Variants in SGSM1 observed in about 807,000 individuals in gnomAD.
SGSM1 encodes the protein small G protein signaling modulator 1.
SGSM1 carries 73 observed loss-of-function variants against 133.8 expected under a neutral mutation model. That is an observed-to-expected ratio of 0.55 (90% confidence interval 0.45 to 0.66). The LOEUF (loss-of-function observed/expected upper bound fraction) is 0.66. Ranked by LOEUF, SGSM1 falls within the 30% of genes least tolerant of loss-of-function variation. SGSM1 has a pLI of 0.00. For missense variants in SGSM1, 1,213 were observed against 1,448.1 expected (o/e 0.84, Z 2.64); for synonymous variants, 563 against 573.0 (o/e 0.98, Z 0.25).
chr22:24,869,799 C>G (rs549450294), intron 12 of SGSM1, among the ~76,000 whole-genome samples: 1 of 152,148 alleles, frequency 6.6e-6, no homozygotes, highest in Non-Finnish European at 1.5e-5. Context: ...CGGTGCCTGC[C>G]GTGACACAGA....
At chr22:24,861,994 G>A (rs1464131783) in intron 9 of SGSM1, among the ~76,000 whole-genome samples, 1 of 129,770 alleles carries the variant, frequency 7.7e-6, no homozygotes, top group African/African-American at 3.0e-5. Context: ...TGCTCTTGTT[G>A]CCCAGGCTGG....
intron 2 of SGSM1, among the ~76,000 whole-genome samples, chr22:24,821,570 CCTT>C (rs1376501401): frequency 6.6e-6 from 1 of 152,190 alleles, no homozygotes; most frequent in Non-Finnish European, 1.5e-5. Context: ...CCACCAGACA[CCTT>C]CTCTACAAAA....
intron 4 of SGSM1, among the ~76,000 whole-genome samples, chr22:24,849,592 C>T (rs1385081893): frequency 6.6e-6 from 1 of 152,184 alleles, no homozygotes; most frequent in African/African-American, 2.4e-5. Flanking sequence ...ATTTCATATC[C>T]TCAAGATCAA....
intron 21 of SGSM1, among the ~76,000 whole-genome samples, chr22:24,908,157 A>G (rs1366837849): frequency 6.6e-6 from 1 of 152,120 alleles, no homozygotes; most frequent in Admixed American, 6.6e-5. Flanking sequence ...GAACTACTGG[A>G]CAGACATATG....
chr22:24,843,728 C>T (rs1451212257), intron 2 of SGSM1: 1 of 152,282 alleles, frequency 6.6e-6, no homozygotes, highest in East Asian at 1.9e-4. Context: ...AGAGGATCAA[C>T]ACCAAGAGCA....
chr22:24,918,730 T>A (rs1321333559), intron 23 of SGSM1, among the ~76,000 whole-genome samples: 6 of 146,300 alleles, frequency 4.1e-5, no homozygotes, highest in Non-Finnish European at 6.0e-5. Flanking sequence ...CTTGCTTTTC[T>A]TTTTTTTTTT....
chr22:24,856,660 G>A (rs1930809444), intron 8 of SGSM1, among the ~76,000 whole-genome samples: 1 of 152,150 alleles, frequency 6.6e-6, no homozygotes, highest in South Asian at 2.1e-4. Flanking sequence ...GACTGACTTT[G>A]AGCCAGTCAC....
intron 16 of SGSM1, among the ~76,000 whole-genome samples, chr22:24,889,263 A>G (rs967244392): frequency 6.6e-6 from 1 of 151,874 alleles, no homozygotes; most frequent in Admixed American, 6.6e-5. Context: ...CCCGGCCCTC[A>G]TAGTCACATT....
chr22:24,841,338 T>A (rs901760054), intron 2 of SGSM1, among the ~76,000 whole-genome samples: 7 of 152,098 alleles, frequency 4.6e-5, no homozygotes, highest in Admixed American at 2.0e-4. Context: ...ATCTCATTTT[T>A]AAAAAAAATG....
At chr22:24,921,337 C>T (rs778168543) in intron 24 of SGSM1, among the ~76,000 whole-genome samples, 3 of 152,078 alleles carry the variant, frequency 2.0e-5, no homozygotes, top group East Asian at 1.9e-4. Flanking sequence ...TGACCTCAGG[C>T]GATCCGTCTG....
In SGSM1 at chr22:24,859,761, A is replaced by G; in HGVS notation, c.847A>G (p.Thr283Ala). Residue 283 changes from threonine to alanine, a missense_variant, in exon 9 of 25, where the codon ACG becomes GCG. By Grantham distance (58) the Thr-to-Ala change is moderately conservative (BLOSUM62 0). Coordinates refer to ENST00000400358, the MANE Select transcript of SGSM1 (RefSeq NM_001098497.3). ...GCCAGGGTACCTGTCCCTGCACCAG[A>G]CGGCTGACGTCATGACCTTGAAGTG... ...AVPGYLSLHQ[T>A]ADVMTLKWTP... The G allele has an allele frequency of 6.2e-7, 1 of 1,613,950 alleles. No homozygotes were observed. Among genetic ancestry groups the G allele is most frequent in the Non-Finnish European group, 8.5e-7 (1 of 1,179,880 alleles).
At chr22:24,912,513 C>T in intron 21 of SGSM1, 130 bp from the exon 22 acceptor site, 1 of 634,064 alleles carries the variant, frequency 1.6e-6, no homozygotes, top group Non-Finnish European at 2.8e-6. Context: ...CCCGTCTCTA[C>T]TAAAAATACA....
chr22:24,909,332 G>A (rs946635438), intron 21 of SGSM1, among the ~76,000 whole-genome samples: 6 of 152,110 alleles, frequency 3.9e-5, no homozygotes, highest in African/African-American at 1.4e-4. Context: ...CATATACACT[G>A]GGATGGCTAG....
intron 10 of SGSM1, 42 bp from the exon 11 acceptor site, chr22:24,868,334 A>G: frequency 6.3e-7 from 1 of 1,581,946 alleles, no homozygotes; most frequent in Non-Finnish European, 8.6e-7. Flanking sequence ...CGTGCCTCAT[A>G]GTGACTTCCA....
In SGSM1 at chr22:24,816,993, CT is replaced by C. The variant is rs1928129608; in HGVS notation, c.63+10510del. 1.3e-5 allele frequency among the ~76,000 whole-genome samples: 2 copies of C among 152,170 alleles called. 1 individual carries two copies. The highest frequency in any genetic ancestry group is 2.9e-5 in the Non-Finnish European group (2 of 68,038). On this transcript the variant is annotated intron_variant, in intron 2 of 24. Coordinates refer to ENST00000400358, the MANE Select transcript of SGSM1 (RefSeq NM_001098497.3). ...GTGCCAGTCACAGTGGGATGGATTGCTCCACTTGGTCATGGGGGGGTGAGGG... is the reference window on the plus strand; with the variant it reads ...GTGCCAGTCACAGTGGGATGGATTGCCCACTTGGTCATGGGGGGGTGAGGG...
intron 13 of SGSM1, among the ~76,000 whole-genome samples, chr22:24,878,645 C>T (rs1424676007): frequency 6.6e-6 from 1 of 152,204 alleles, no homozygotes; most frequent in African/African-American, 2.4e-5. Flanking sequence ...CTCCCTTCAG[C>T]AGTCCTGGAT....
chr22:24,808,985 A>G (rs1407887828), intron 2 of SGSM1, among the ~76,000 whole-genome samples: 1 of 152,206 alleles, frequency 6.6e-6, no homozygotes, highest in Non-Finnish European at 1.5e-5. Flanking sequence ...TGGGCAGTAC[A>G]GTTTCTACTG....
chr22:24,862,948 A>T (rs2147865981), intron 9 of SGSM1, among the ~76,000 whole-genome samples: 1 of 152,298 alleles, frequency 6.6e-6, no homozygotes, highest in East Asian at 1.9e-4. Context: ...CTTGCACCCA[A>T]CGTCAAAGCT....
intron 2 of SGSM1, among the ~76,000 whole-genome samples, chr22:24,838,710 A>G (rs973817795): frequency 7.9e-5 from 12 of 151,960 alleles, no homozygotes; most frequent in Non-Finnish European, 1.6e-4. Flanking sequence ...TGGGCTCTCT[A>G]TTCCATTTGT....
Sources: gnomAD v4.1 joint callset for allele counts (sites outside exome capture counted in the v4.1 genomes callset) on GRCh38, gnomAD v4.1.1 for gene constraint, MANE v1.5 for transcripts, NCBI Gene and HGNC (gene_info 2026-07-23, HGNC 2026-07-21) for gene names.